The following HUNK variants were observed in gnomAD, a reference collection of about 807,000 sequenced individuals.
The protein encoded by HUNK is hormonally up-regulated Neu-associated kinase.
Under a neutral mutation model 61.0 loss-of-function variants are expected in HUNK, and 21 were observed. That is an observed-to-expected ratio of 0.34 (90% CI 0.24 to 0.50). HUNK has a LOEUF of 0.50. Ranked by LOEUF, HUNK falls within the 20% of genes least tolerant of loss-of-function variation. The pLI is 0.98. For synonymous variants in HUNK, 371 were observed against 386.1 expected (o/e 0.96, Z 0.46); for missense variants, 772 against 945.7 (o/e 0.82, Z 2.41).
At chr21:31,886,314 C>T (rs114043607) in intron 1 of HUNK, among the ~76,000 whole-genome samples, 1,991 of 150,926 alleles carry the variant, frequency 0.013, 43 homozygotes, top group African/African-American at 0.045. Context: ...TCCAGCTACT[C>T]GGGAAGCTGA....
At chr21:31,947,780 C>T (rs1045792096) in intron 4 of HUNK, among the ~76,000 whole-genome samples, 4 of 152,168 alleles carry the variant, frequency 2.6e-5, no homozygotes, top group African/African-American at 9.7e-5. Flanking sequence ...GTCTTGGATT[C>T]TTGGATAGGA....
intron 4 of HUNK, among the ~76,000 whole-genome samples, chr21:31,955,569 C>T (rs143953078): frequency 9.2e-5 from 14 of 152,196 alleles, no homozygotes; most frequent in East Asian, 5.8e-4. Flanking sequence ...CCAGCCTGGG[C>T]GATGGAGCGA....
intron 1 of HUNK, among the ~76,000 whole-genome samples, chr21:31,880,481 CTT>C (rs1387025018): frequency 6.6e-6 from 1 of 152,122 alleles, no homozygotes; most frequent in Non-Finnish European, 1.5e-5. Context: ...GGCCAGCACT[CTT>C]TGGCATTTTC....
chr21:31,921,208 G>C (rs909757314), intron 1 of HUNK, among the ~76,000 whole-genome samples: 1 of 144,766 alleles, frequency 6.9e-6, no homozygotes, highest in Admixed American at 6.9e-5. Context: ...CTATAGAGGA[G>C]ATAATACATT....
At chr21:31,940,309 C>T in intron 3 of HUNK, 89 bp downstream of exon 3, 1 of 721,892 alleles carries the variant, frequency 1.4e-6, no homozygotes, top group South Asian at 1.8e-5. Flanking sequence ...TGGTCTATCT[C>T]TAATACCCAG....
intron 3 of HUNK, among the ~76,000 whole-genome samples, chr21:31,942,599 T>C (rs2052776425): frequency 6.6e-6 from 1 of 152,162 alleles, no homozygotes; most frequent in Non-Finnish European, 1.5e-5. Flanking sequence ...CCTTCCCCTC[T>C]TGCTGCATGT....
intron 7 of HUNK, among the ~76,000 whole-genome samples, chr21:31,980,521 C>A (rs190829388): frequency 6.6e-6 from 1 of 151,662 alleles, no homozygotes; most frequent in Non-Finnish European, 1.5e-5. Flanking sequence ...GGATTACAGA[C>A]GCCTGCCTGC....
At position 32,000,309 on chromosome 21, in the gene HUNK, G is replaced by A; in HGVS notation, c.*1125G>A. 1 of 399,116 alleles carries A rather than the reference G, an allele frequency of 2.5e-6. No homozygotes were observed. The highest frequency in any genetic ancestry group is 4.4e-6 in the Non-Finnish European group (1 of 226,096). The allele number at this position is 399,116 out of a possible 1,614,324, so 24.7% of individuals were successfully genotyped here. On this transcript the variant is annotated 3_prime_UTR_variant, in exon 11 of 11. Transcript: ENST00000270112. ...GCTTGCCTGGCAGAGAACCTGTTCA[G>A]ATACAGGCCAGTTTCTTCTTCGAGG...
intron 2 of HUNK, among the ~76,000 whole-genome samples, chr21:31,926,814 A>G (rs1167022773): frequency 2.0e-5 from 3 of 152,238 alleles, no homozygotes; most frequent in African/African-American, 7.2e-5. Flanking sequence ...CTCCACTCTT[A>G]GGAGTGGAAT....
At chr21:31,974,809 C>T in intron 7 of HUNK, 92 bp downstream of exon 7, 1 of 1,228,662 alleles carries the variant, frequency 8.1e-7, no homozygotes, top group Non-Finnish European at 1.1e-6. Flanking sequence ...ACACTTGATC[C>T]AAGCTGCTAA....
intron 1 of HUNK, among the ~76,000 whole-genome samples, chr21:31,920,040 C>T (rs931135036): frequency 1.3e-5 from 2 of 152,180 alleles, no homozygotes; most frequent in African/African-American, 4.8e-5. Flanking sequence ...GGCAGGGCCA[C>T]GCTCCCTCCA....
In HUNK at chr21:31,995,872, G is replaced by C; in HGVS notation, c.1410G>C (p.Ser470=). 1 of 1,614,012 alleles carries C rather than the reference G, an allele frequency of 6.2e-7. No homozygotes were observed. The highest frequency in any genetic ancestry group is 1.7e-5 in the Admixed American group (1 of 60,016). The stretch of plus-strand genomic sequence containing the variant: ...CCTCGCACAAACAGCCCTCAGGCTC[G>C]CTTATGACACAGATTCAGAACACCA... ...NLPSHKQPSG[S]LMTQIQNTKA... The change falls in exon 10 of 11, where the codon TCG becomes TCC. Residue 470 remains serine, a synonymous_variant. Coordinates refer to ENST00000270112, the MANE Select transcript of HUNK (RefSeq NM_014586.2).
At chr21:31,880,600 A>G (rs916337411) in intron 1 of HUNK, among the ~76,000 whole-genome samples, 3 of 152,112 alleles carry the variant, frequency 2.0e-5, no homozygotes, top group African/African-American at 7.2e-5. Context: ...CTTTATAAGG[A>G]CACCAGTCAT....
chr21:31,945,496 C>T (rs1293162586), intron 3 of HUNK, among the ~76,000 whole-genome samples: 3 of 152,132 alleles, frequency 2.0e-5, no homozygotes, highest in Non-Finnish European at 4.4e-5. Flanking sequence ...ATATGTGCTG[C>T]ATAACTTAGG....
In HUNK at chr21:31,998,936, G is replaced by T; in HGVS notation, c.1897G>T (p.Glu633Ter). Residue 633 changes from glutamate (E) to a stop codon, truncating the protein, a stop_gained, in exon 11 of 11, where the codon GAG becomes TAG. Coordinates refer to ENST00000270112, the MANE Select transcript of HUNK (RefSeq NM_014586.2). LOFTEE classifies it high-confidence loss of function. Reference protein sequence around the residue: ...AHEDKNSPPKEEGLCCPPPVP... With the variant: ...AHEDKNSPPK ...CGAAGATAAGAACAGCCCCCCAAAA[G>T]AGGAGGGCCTGTGTTGCCCACCTCC... 6.2e-7 allele frequency: 1 copy of T among 1,614,242 alleles called. No individual in the cohort carries two copies. Among genetic ancestry groups the T allele is most frequent in the Non-Finnish European group, 8.5e-7 (1 of 1,180,052 alleles).
chr21:31,911,493 G>A (rs1447383592), intron 1 of HUNK, among the ~76,000 whole-genome samples: 1 of 152,188 alleles, frequency 6.6e-6, no homozygotes, highest in Non-Finnish European at 1.5e-5. Flanking sequence ...CGAGGAGGCG[G>A]GTCAAGCCGA....
At position 31,901,002 on chromosome 21, in the gene HUNK, C is replaced by A. The variant is rs560413118; in HGVS notation, c.262-23466C>A. Reference sequence around the variant, plus strand: ...CTCCCAGCTTCTGGCACTTCCGTGGCTACTGGCAGCACGACTCCAGCCTTC... The same window carrying A: ...CTCCCAGCTTCTGGCACTTCCGTGGATACTGGCAGCACGACTCCAGCCTTC... On this transcript the variant is annotated intron_variant, in intron 1 of 10. Coordinates refer to ENST00000270112, the MANE Select transcript of HUNK (RefSeq NM_014586.2). Among the ~76,000 whole-genome samples the A allele has an allele frequency of 8.5e-5, 13 of 152,256 alleles. No homozygotes were observed. In the South Asian group the frequency reaches 2.7e-3, roughly 32 times the overall value.
chr21:31,956,843 A>G (rs2052892848), intron 4 of HUNK, among the ~76,000 whole-genome samples: 2 of 152,126 alleles, frequency 1.3e-5, no homozygotes, highest in African/African-American at 4.8e-5. Context: ...TGGTCATACC[A>G]CTTGTATCTG....
Position 31,932,509 on chromosome 21 carries a change from C to T in HUNK, c.555-7656C>T, listed in dbSNP as rs527277622. ...GGGAACCTTGAATGGTTAGTCATGG[C>T]CTGTTTGCATGCTTGTGCTTTTGAA... On this transcript the variant is annotated intron_variant, in intron 2 of 10. Coordinates refer to ENST00000270112, the MANE Select transcript of HUNK (RefSeq NM_014586.2). 5.3e-4 allele frequency among the ~76,000 whole-genome samples: 81 copies of T among 152,202 alleles called. No individual in the cohort carries two copies. The South Asian group carries it at 6.6e-3, about 12-fold the overall frequency.
Sources: allele counts gnomAD v4.1 joint callset (sites outside exome capture counted in the v4.1 genomes callset), GRCh38; gene constraint gnomAD v4.1.1; transcripts MANE v1.5; gene names NCBI Gene and HGNC (gene_info 2026-07-23, HGNC 2026-07-21).